The following ADGRL4 variants were observed in gnomAD, a reference collection of about 807,000 sequenced individuals.
ADGRL4 encodes the protein EGF, latrophilin and seven transmembrane domain containing 1.
In ADGRL4, 90 loss-of-function variants were observed where a neutral mutation model predicts 74.8. The ratio of observed to expected loss-of-function variants is 1.20; its 90% CI spans 1.02 to 1.43. The LOEUF is 1.43. Ranked by LOEUF, ADGRL4 falls within the 40% of genes most tolerant of loss-of-function variation. The pLI is 0.00. For missense variants in ADGRL4, 881 were observed against 814.3 expected (o/e 1.08, Z -1.00); for synonymous variants, 311 against 279.2 (o/e 1.11, Z -1.14).
intron 2 of ADGRL4, among the ~76,000 whole-genome samples, chr1:78,980,368 A>G (rs555891448): frequency 1.3e-4 from 20 of 152,114 alleles, no homozygotes; most frequent in African/African-American, 4.3e-4. Context: ...TTGTCAGCTA[A>G]GAATAAGCAT....
rs780358043 is a variant in ADGRL4 at position 78,937,803 on chromosome 1, T to C, written c.760+4A>G. ...TTACTTTTAAATGGACCCTTGTTTCTTACCTATATCCGTTGAATTTGTATC... is the reference window on the plus strand; with the variant it reads ...TTACTTTTAAATGGACCCTTGTTTCCTACCTATATCCGTTGAATTTGTATC... On this transcript the variant is annotated splice_donor_region_variant and intron_variant, in intron 6 of 14. Transcript: ENST00000370742. 1.4e-5 allele frequency: 22 copies of C among 1,597,326 alleles called. No individual in the cohort carries two copies. The highest frequency in any genetic ancestry group is 5.7e-5 in the South Asian group (5 of 87,200).
intron 2 of ADGRL4, among the ~76,000 whole-genome samples, chr1:78,947,596 A>AT (rs34230792): frequency 0.12 from 18,457 of 152,118 alleles, 1,288 homozygotes; most frequent in East Asian, 0.33. Flanking sequence ...ATTTGGTCAT[A>AT]TTTTTTTATG....
chr1:78,889,963 T>C lies in ADGRL4; in HGVS notation c.*1191A>G, dbSNP rs1648231377. ...GATTTAAAGACAGATAGAAGCTATATATTTAAGCAGATATGATTTAATAGA... is the reference window on the plus strand; with the variant it reads ...GATTTAAAGACAGATAGAAGCTATACATTTAAGCAGATATGATTTAATAGA... On this transcript the variant is annotated 3_prime_UTR_variant, in exon 15 of 15. Transcript: ENST00000370742. 2 of 303,574 alleles carry C rather than the reference T, an allele frequency of 6.6e-6. No homozygotes were observed. The highest frequency in any genetic ancestry group is 1.4e-5 in the Non-Finnish European group (2 of 146,118). 18.8% of individuals were successfully genotyped at this position (303,574 alleles called of 1,614,324 possible).
At position 78,937,928 on chromosome 1, in the gene ADGRL4, T is replaced by C. The variant is rs547315904; in HGVS notation, c.639A>G (p.Leu213=). 5.6e-6 allele frequency: 9 copies of C among 1,613,996 alleles called. No individual in the cohort carries two copies. The highest frequency in any genetic ancestry group is 5.0e-5 in the Admixed American group (3 of 60,014). Residue 213 remains leucine (L), a synonymous_variant, in exon 6 of 15, where the codon TTA becomes TTG. Transcript: ENST00000370742. ...GATGTGTTCTCCTATGATTCACAGA[T>C]AACTTGTCCCAAACTACAAATGTAT... ...QRDTFVVWDK[L]SVNHRRTHLT...
intron 12 of ADGRL4, among the ~76,000 whole-genome samples, chr1:78,900,362 G>A (rs1648491765): frequency 6.6e-6 from 1 of 152,146 alleles, no homozygotes; most frequent in Non-Finnish European, 1.5e-5. Context: ...GCTATACCCA[G>A]ACTTCTAACC....
chr1:78,911,705 ATG>A (rs1648766902), intron 12 of ADGRL4, among the ~76,000 whole-genome samples: 1 of 151,892 alleles, frequency 6.6e-6, no homozygotes, highest in Non-Finnish European at 1.5e-5. Flanking sequence ...TGGTTTTAAA[ATG>A]TCTTTTTATT....
intron 2 of ADGRL4, among the ~76,000 whole-genome samples, chr1:78,965,222 C>A (rs547655017): frequency 2.0e-5 from 3 of 152,206 alleles, no homozygotes; most frequent in Non-Finnish European, 4.4e-5. Context: ...TGAAAGCAAT[C>A]ATATAAATGT....
intron 2 of ADGRL4, among the ~76,000 whole-genome samples, chr1:78,984,243 A>G (rs1650451218): frequency 6.6e-6 from 1 of 151,806 alleles, no homozygotes; most frequent in South Asian, 2.1e-4. Flanking sequence ...AAAACACCAA[A>G]TTAAAATACT....
At chr1:79,003,157 C>T (rs879876200) in intron 2 of ADGRL4, among the ~76,000 whole-genome samples, 12 of 151,842 alleles carry the variant, frequency 7.9e-5, no homozygotes, top group Non-Finnish European at 8.8e-5. Context: ...TCTTTAGAGA[C>T]GAAAATGTCA....
At chr1:78,893,623 C>G (rs997768281) in intron 12 of ADGRL4, among the ~76,000 whole-genome samples, 1 of 151,832 alleles carries the variant, frequency 6.6e-6, no homozygotes, top group African/African-American at 2.4e-5. Context: ...GAAAACTCAA[C>G]AAAACACTCT....
At chr1:79,005,860 C>CA (rs1176807373) in intron 1 of ADGRL4, among the ~76,000 whole-genome samples, 2 of 149,396 alleles carry the variant, frequency 1.3e-5, no homozygotes, top group Non-Finnish European at 3.0e-5. Context: ...AAAACAAAAA[C>CA]AAAAAAAGAA....
At chr1:78,920,429 T>A in intron 9 of ADGRL4, 43 bp from the exon 10 acceptor site, 2 of 1,278,606 alleles carry the variant, frequency 1.6e-6, no homozygotes, top group Non-Finnish European at 2.2e-6. Context: ...AATAACTCAC[T>A]AAGTTGTCAA....
At chr1:78,958,445 T>C (rs917799867) in intron 2 of ADGRL4, among the ~76,000 whole-genome samples, 61 of 152,174 alleles carry the variant, frequency 4.0e-4, no homozygotes, top group African/African-American at 1.4e-3. Flanking sequence ...ACATTAACAG[T>C]AGTTTGGAAG....
Position 78,889,768 on chromosome 1 carries a change from T to C in ADGRL4, c.*1386A>G, listed in dbSNP as rs1190774688. On this transcript the variant is annotated 3_prime_UTR_variant, in exon 15 of 15. Coordinates refer to ENST00000370742, the MANE Select transcript of ADGRL4 (RefSeq NM_022159.4). ...GCAAAGCTGTAGCGGAATTACTTCATTTAGATAACATTTTATTTGTTAGAG... is the reference window on the plus strand; with the variant it reads ...GCAAAGCTGTAGCGGAATTACTTCACTTAGATAACATTTTATTTGTTAGAG... The C allele has an allele frequency of 4.5e-6, 2 of 447,562 alleles. No individual in the cohort carries two copies. The highest frequency in any genetic ancestry group is 7.6e-5 in the East Asian group (1 of 13,194). 27.7% of individuals were successfully genotyped at this position (447,562 alleles called of 1,614,324 possible). A position where few individuals can be genotyped will look rare whatever the true frequency, so the allele number is the denominator to read the frequency against.
At position 78,891,090 on chromosome 1, in the gene ADGRL4, T is replaced by C. The variant is rs1480786472; in HGVS notation, c.*64A>G. On this transcript the variant is annotated 3_prime_UTR_variant, in exon 15 of 15. Transcript: ENST00000370742. ...TAATTTGATGAGTCATTTTTATACA[T>C]TGGTCATCCACAGCTTGGAATTTTT... 2.0e-6 allele frequency: 3 copies of C among 1,471,134 alleles called. No individual in the cohort carries two copies. The highest frequency in any genetic ancestry group is 2.3e-5 in the East Asian group (1 of 44,020). The allele number at this position is 1,471,134 out of a possible 1,614,324, so 91.1% of individuals were successfully genotyped here.
chr1:78,912,644 A>G (rs569041311), intron 12 of ADGRL4, among the ~76,000 whole-genome samples: 121 of 151,954 alleles, frequency 8.0e-4, no homozygotes, highest in African/African-American at 2.8e-3. Context: ...ACAATAGCTG[A>G]CTGCATTAAT....
intron 2 of ADGRL4, among the ~76,000 whole-genome samples, chr1:78,984,875 G>T (rs1434289843): frequency 6.6e-6 from 1 of 151,582 alleles, no homozygotes; most frequent in South Asian, 2.1e-4. Context: ...GAATGTCAAC[G>T]CTATAACCCT....
intron 12 of ADGRL4, among the ~76,000 whole-genome samples, chr1:78,906,804 T>C (rs75471162): frequency 1.9e-4 from 29 of 151,988 alleles, no homozygotes; most frequent in Non-Finnish European, 5.9e-5. Context: ...AATAGAACTT[T>C]CGCAATTAAA....
chr1:78,909,114 C>A (rs1268558389), intron 12 of ADGRL4, among the ~76,000 whole-genome samples: 1 of 151,798 alleles, frequency 6.6e-6, no homozygotes, highest in Admixed American at 6.6e-5. Flanking sequence ...TGCCTTGAAA[C>A]ACAGAGGTGA....
Sources: allele counts gnomAD v4.1 joint callset (sites outside exome capture counted in the v4.1 genomes callset), GRCh38; gene constraint gnomAD v4.1.1; transcripts MANE v1.5; gene names NCBI Gene and HGNC (gene_info 2026-07-23, HGNC 2026-07-21).